OCA2: variants seen among roughly 807,000 people sequenced by gnomAD.
OCA2 encodes the protein OCA2 melanosomal transmembrane protein.
A neutral mutation model predicts 100.2 loss-of-function variants in OCA2; 77 were observed. That is an observed-to-expected ratio of 0.77 (90% confidence interval 0.64 to 0.93). The LOEUF is 0.93. OCA2 is among the 40% of genes least tolerant of loss of function. The pLI is 0.00. For synonymous variants in OCA2, 432 were observed against 439.2 expected, an observed-to-expected ratio of 0.98 and a Z score of 0.21; for missense variants, 1,062 against 1,089.1, an observed-to-expected ratio of 0.98 and a Z score of 0.35.
intron 22 of OCA2, among the ~76,000 whole-genome samples, chr15:27,850,490 G>A (rs2151405800): frequency 6.6e-6 from 1 of 152,210 alleles, no homozygotes; most frequent in East Asian, 1.9e-4. Flanking sequence ...CCCGGGACTG[G>A]TTCTTAGGGG....
chr15:28,076,739 C>T (rs989053670), intron 2 of OCA2, among the ~76,000 whole-genome samples: 5 of 147,590 alleles, frequency 3.4e-5, no homozygotes, highest in African/African-American at 1.3e-4. Context: ...CCCAGCTACT[C>T]GGGAGGCTGA....
At chr15:27,938,934 C>T (rs184226157) in intron 18 of OCA2, among the ~76,000 whole-genome samples, 11 of 152,254 alleles carry the variant, frequency 7.2e-5, no homozygotes, top group Admixed American at 5.2e-4. Context: ...ATACAACTGC[C>T]GTGATGGACC....
At chr15:27,832,705 T>G (rs1360538362) in intron 23 of OCA2, among the ~76,000 whole-genome samples, 1 of 152,232 alleles carries the variant, frequency 6.6e-6, no homozygotes, top group Non-Finnish European at 1.5e-5. Context: ...GCCTGCTTCA[T>G]CACTGCGCCA....
intron 2 of OCA2, 89 bp from the exon 3 acceptor site, chr15:28,032,252 C>T: frequency 3.0e-6 from 3 of 1,015,386 alleles, no homozygotes; most frequent in Non-Finnish European, 4.7e-6. Flanking sequence ...AAGAATGTGC[C>T]CAAGATTCAG....
the OCA2 span, among the ~76,000 whole-genome samples, chr15:27,728,451 G>C: frequency 4.6e-5 from 7 of 151,726 alleles, no homozygotes; most frequent in African/African-American, 7.3e-5. Context: ...CCTGTTTCCT[G>C]CCAGTAGAAT....
At chr15:27,891,132 G>A (rs1217644897) in intron 19 of OCA2, among the ~76,000 whole-genome samples, 4 of 151,968 alleles carry the variant, frequency 2.6e-5, no homozygotes, top group African/African-American at 9.7e-5. Context: ...TGTATAGATC[G>A]ATTTGATGAT....
At chr15:27,943,047 C>T (rs2039705910) in intron 18 of OCA2, among the ~76,000 whole-genome samples, 1 of 152,112 alleles carries the variant, frequency 6.6e-6, no homozygotes, top group Admixed American at 6.5e-5. Context: ...TTCTAATATG[C>T]CAAAGCCTTT....
At position 27,957,615 on chromosome 15, in the gene OCA2, A is replaced by G; in HGVS notation, c.1757T>C (p.Leu586Pro). 6.2e-7 allele frequency: 1 copy of G among 1,612,898 alleles called. No homozygotes were observed. Among genetic ancestry groups the G allele is most frequent in the Non-Finnish European group, 8.5e-7 (1 of 1,179,942 alleles). ...GTGGAAGGTGTGCAGCCTCCGGGCG[A>G]GCAGGTGCTCCAGTGCCAGCACCTT... ...LGKVLALEHLLARRLHTFHRQ... is the reference protein window; with the variant it reads ...LGKVLALEHLPARRLHTFHRQ... Residue 586 changes from leucine to proline, a missense_variant, in exon 16 of 24, where the codon CTC becomes CCC. Leu to Pro is a moderately conservative substitution (Grantham distance 98, BLOSUM62 -3). Coordinates refer to ENST00000354638, the MANE Select transcript of OCA2 (RefSeq NM_000275.3). The surrounding 1 kb of genome is among the most constrained non-coding windows in gnomAD (Gnocchi z 4.3).
intron 11 of OCA2, among the ~76,000 whole-genome samples, chr15:27,987,688 C>T (rs2041407720): frequency 6.6e-6 from 1 of 151,914 alleles, no homozygotes; most frequent in Non-Finnish European, 1.5e-5. Flanking sequence ...AAGATCACGC[C>T]ACTGCACTCC....
At chr15:27,821,864 C>T (rs1462004225) in intron 23 of OCA2, among the ~76,000 whole-genome samples, 1 of 152,202 alleles carries the variant, frequency 6.6e-6, no homozygotes, top group African/African-American at 2.4e-5. Context: ...CACACTTTTA[C>T]ATTTGCAGTA....
At chr15:28,022,693 C>T (rs894234473) in intron 5 of OCA2, 120 bp from the exon 6 acceptor site, 29 of 738,398 alleles carry the variant, frequency 3.9e-5, no homozygotes, top group African/African-American at 6.9e-5. Flanking sequence ...ATCCAGTACG[C>T]GCCAGCTTAC....
intron 23 of OCA2, among the ~76,000 whole-genome samples, chr15:27,764,314 T>G (rs1374867340): frequency 6.6e-6 from 1 of 152,110 alleles, no homozygotes; most frequent in African/African-American, 2.4e-5. Context: ...CTTCATCATC[T>G]GCTTGCAGGG....
chr15:28,009,388 TA>T (rs200487550), intron 9 of OCA2, among the ~76,000 whole-genome samples: 1 of 151,888 alleles, frequency 6.6e-6, no homozygotes, highest in Non-Finnish European at 1.5e-5. Context: ...CTGAGTCATT[TA>T]AAAAAAAGTC....
chr15:27,851,500 C>A (rs1443735452), intron 21 of OCA2, 25 bp from the exon 22 acceptor site: 3 of 1,584,638 alleles, frequency 1.9e-6, no homozygotes, highest in Non-Finnish European at 2.6e-6. Context: ...GACATTGATG[C>A]CACGTCCCAT....
chr15:27,749,437 T>C, the OCA2 span, among the ~76,000 whole-genome samples: 2 of 152,204 alleles, frequency 1.3e-5, no homozygotes, highest in Admixed American at 1.3e-4. Flanking sequence ...TTGTTGCAAG[T>C]AGATCTAGCT....
At chr15:27,896,917 G>A (rs553922336) in intron 19 of OCA2, among the ~76,000 whole-genome samples, 7 of 152,276 alleles carry the variant, frequency 4.6e-5, no homozygotes, top group South Asian at 4.1e-4. Context: ...CAGGCCAGGC[G>A]CAGTGGCTCA....
chr15:27,912,233 C>A (rs552993598), intron 19 of OCA2, among the ~76,000 whole-genome samples: 1 of 152,042 alleles, frequency 6.6e-6, no homozygotes, highest in African/African-American at 2.4e-5. Flanking sequence ...ATGCTGATTG[C>A]GGAGGCCTAG....
At chr15:27,970,693 C>T (rs1034711902) in intron 14 of OCA2, among the ~76,000 whole-genome samples, 3 of 143,354 alleles carry the variant, frequency 2.1e-5, no homozygotes, top group African/African-American at 5.3e-5. Flanking sequence ...GCAGGGAAAG[C>T]CTGAAGAACG....
At chr15:27,905,923 A>G (rs1022658819) in intron 19 of OCA2, among the ~76,000 whole-genome samples, 2 of 152,254 alleles carry the variant, frequency 1.3e-5, no homozygotes, top group Non-Finnish European at 2.9e-5. Context: ...CCACGCCTCA[A>G]GCAAGCATCA....
Sources: allele counts gnomAD v4.1 joint callset (sites outside exome capture counted in the v4.1 genomes callset), GRCh38; gene constraint gnomAD v4.1.1; non-coding constraint Gnocchi (gnomAD v3.1); transcripts MANE v1.5; gene names NCBI Gene and HGNC (gene_info 2026-07-23, HGNC 2026-07-21).